The following BMP1 variants were observed in gnomAD, a reference collection of about 807,000 sequenced individuals.
BMP1 encodes the protein bone morphogenetic protein 1.
Under a neutral mutation model 116.8 loss-of-function variants are expected in BMP1, and 63 were observed. That is an observed-to-expected ratio of 0.54 (90% CI 0.44 to 0.67). The LOEUF (loss-of-function observed/expected upper bound fraction) is 0.67. BMP1 is among the 30% of genes least tolerant of loss of function. The probability of loss-of-function intolerance (pLI) is 0.00; values close to 1 mark genes in which losing one functional copy is unlikely to be tolerated. For synonymous variants in BMP1, 536 were observed against 533.4 expected, an observed-to-expected ratio of 1.00 and a Z score of -0.07; for missense variants, 1,183 against 1,358.9, an observed-to-expected ratio of 0.87 and a Z score of 2.04.
intron 4 of BMP1, 46 bp downstream of exon 4, chr8:22,176,696 CCCAGGTTCTG>C: frequency 1.3e-6 from 2 of 1,595,704 alleles, no homozygotes; most frequent in Non-Finnish European, 1.7e-6. Context: ...ATTGCCCCAA[CCCAGGTTCTG>C]CCCTGGGCCC....
chr8:22,177,739 G>T (rs993963489), intron 5 of BMP1, 113 bp from the exon 6 acceptor site: 2 of 871,722 alleles, frequency 2.3e-6, no homozygotes, highest in African/African-American at 3.3e-5. Context: ...TCAGGTAGGG[G>T]GACTCTCTCA....
In BMP1 at chr8:22,194,800, G is replaced by T; in HGVS notation, c.1520G>T (p.Gly507Val). ...CACAGTGAGAGCAGCACCCTCATCG[G>T]GCGCTACTGTGGCTATGAGAAGCCT... ...DGHSESSTLI[G>V]RYCGYEKPDD... The change falls in exon 12 of 20, where the codon GGG becomes GTG. Residue 507 changes from glycine to valine, a missense_variant. Coordinates refer to ENST00000306385, the MANE Select transcript of BMP1 (RefSeq NM_006129.5). This position sits in a 1 kb window ranked among gnomAD's most constrained non-coding sequence, Gnocchi z 4.5. 2 of 1,614,130 alleles carry T rather than the reference G, an allele frequency of 1.2e-6. No homozygotes were observed. Among genetic ancestry groups the T allele is most frequent in the Non-Finnish European group, 1.7e-6 (2 of 1,180,032 alleles).
chr8:22,176,255 A>T lies in BMP1; in HGVS notation c.375A>T (p.Arg125=). ...RSRSRRAATS[R]PERVWPDGVI... The stretch of plus-strand genomic sequence containing the variant: ...GTAGCCGGCGGGCGGCGACGTCCCG[A>T]CCAGAGCGTGTGTGGCCCGATGGGG... The change falls in exon 3 of 20, where the codon CGA becomes CGT. Residue 125 remains arginine, a synonymous_variant. Transcript: ENST00000306385. 6.2e-7 allele frequency: 1 copy of T among 1,613,668 alleles called. No homozygotes were observed. Among genetic ancestry groups the T allele is most frequent in the South Asian group, 1.1e-5 (1 of 90,978 alleles).
intron 15 of BMP1, chr8:22,199,435 A>G: frequency 9.1e-7 from 1 of 1,101,172 alleles, no homozygotes. Flanking sequence ...CCTCCACCCC[A>G]CCCCCCTGCA....
rs188289831 is a variant in BMP1 at position 22,198,969 on chromosome 8, G to A, written c.2107+1549G>A. 379 of 1,281,080 alleles carry A rather than the reference G, an allele frequency of 3.0e-4. No individual in the cohort carries two copies. In the African/African-American group the frequency reaches 4.4e-3, roughly 15 times the overall value. 79.4% of individuals were successfully genotyped at this position (1,281,080 alleles called of 1,614,324 possible). A position where few individuals can be genotyped will look rare whatever the true frequency, so the allele number is the denominator to read the frequency against. On this transcript the variant is annotated intron_variant, in intron 15 of 19. Transcript: ENST00000306385. ...ACCCACTCGGGGCAGGCTCTGCCCC[G>A]GGAAACCATTACCTGCTTACTCTCG...
chr8:22,191,826 G>T (rs1485069771), intron 8 of BMP1, among the ~76,000 whole-genome samples: 1 of 152,218 alleles, frequency 6.6e-6, no homozygotes, highest in Non-Finnish European at 1.5e-5. Context: ...TACCCAAAGT[G>T]ACGTCTCCTT....
At position 22,196,661 on chromosome 8, in the gene BMP1, ACCTT is replaced by A. The variant is rs1344856242; in HGVS notation, c.1766-14_1766-11del. The A allele has an allele frequency of 6.2e-7, 1 of 1,613,174 alleles. No individual in the cohort carries two copies. The highest frequency in any genetic ancestry group is 1.3e-5 in the African/African-American group (1 of 74,758). ...GCAGGGGCTCCCCGCAGACGATGCC[ACCTT>A]CCTTGTCCCCGCAGCTGCTTGTGGC... On this transcript the variant is annotated splice_polypyrimidine_tract_variant and intron_variant, in intron 13 of 19. Coordinates refer to ENST00000306385, the MANE Select transcript of BMP1 (RefSeq NM_006129.5).
At chr8:22,199,677 G>A (rs1410993125) in intron 15 of BMP1, among the ~76,000 whole-genome samples, 1 of 152,222 alleles carries the variant, frequency 6.6e-6, no homozygotes, top group East Asian at 1.9e-4. Flanking sequence ...TCCGTAAGCT[G>A]GGCCCCCCAA....
At chr8:22,174,636 T>C (rs1405648559) in intron 2 of BMP1, among the ~76,000 whole-genome samples, 2 of 139,964 alleles carry the variant, frequency 1.4e-5, no homozygotes, top group Admixed American at 1.4e-4. Context: ...TCTTTTTTTT[T>C]TTTTTTTTTT....
chr8:22,199,435 AC>A lies in BMP1; in HGVS notation c.2107+2021del, dbSNP rs770652691. ...GGCCCATGCCCACCTCCTCCACCCC[AC>A]CCCCCTGCAACCTGCTCCCCCCAGC... On this transcript the variant is annotated intron_variant, in intron 15 of 19. Transcript: ENST00000306385. 6 of 1,105,096 alleles carry A rather than the reference AC, an allele frequency of 5.4e-6. No individual in the cohort carries two copies. The Admixed American group carries it at 1.4e-4, about 25-fold the overall frequency. 68.5% of individuals were successfully genotyped at this position (1,105,096 alleles called of 1,614,324 possible).
rs777069795 is a variant in BMP1 at position 22,195,463 on chromosome 8, G to A, written c.1641G>A (p.Glu547=). ...KAGFAVNFFK[E]VDECSRPNRG... ...GACACCCTTTCCTTCCCACCACAGA[G>A]GTGGACGAGTGCTCTCGGCCCAACC... Residue 547 remains glutamate (E), a splice_region_variant and synonymous_variant, in exon 13 of 20, where the codon GAG becomes GAA. Transcript: ENST00000306385. 2 of 1,605,008 alleles carry A rather than the reference G, an allele frequency of 1.2e-6. No homozygotes were observed. The highest frequency in any genetic ancestry group is 1.7e-6 in the Non-Finnish European group (2 of 1,177,588).
chr8:22,209,207 C>T (rs1829416969), intron 18 of BMP1, among the ~76,000 whole-genome samples: 2 of 152,226 alleles, frequency 1.3e-5, no homozygotes, highest in South Asian at 4.1e-4. Flanking sequence ...CCGCTCCATG[C>T]TGTCTTCCTC....
Position 22,206,829 on chromosome 8 carries a change from C to A in BMP1, c.2234-25C>A, listed in dbSNP as rs1307009532. 1.9e-6 allele frequency: 3 copies of A among 1,613,958 alleles called. No individual in the cohort carries two copies. The African/African-American group carries it at 4.0e-5, about 22-fold the overall frequency. On this transcript the variant is annotated intron_variant, in intron 16 of 19. Coordinates refer to ENST00000306385, the MANE Select transcript of BMP1 (RefSeq NM_006129.5). ...CGGAGCTTGGGGTCCCTCTCTATCC[C>A]CTTCCGTCACTCGCTTCCCTGCAGC...
intron 1 of BMP1, among the ~76,000 whole-genome samples, chr8:22,165,882 CGTGTGTGT>C (rs149003237): frequency 1.1e-3 from 149 of 131,414 alleles, no homozygotes; most frequent in African/African-American, 2.0e-3. Flanking sequence ...CCTGTGCGTG[CGTGTGTGT>C]GTGTGTGTGT....
chr8:22,201,960 T>C, intron 16 of BMP1, 32 bp downstream of exon 16: 1 of 1,591,290 alleles, frequency 6.3e-7, no homozygotes. Flanking sequence ...CATCTGGGCT[T>C]GAAGGACCTG....
At chr8:22,172,104 G>T (rs1828295132) in intron 1 of BMP1, among the ~76,000 whole-genome samples, 2 of 152,200 alleles carry the variant, frequency 1.3e-5, no homozygotes, top group South Asian at 4.1e-4. Context: ...CTGGGGAGGA[G>T]AAACCTGTGT....
chr8:22,200,396 C>T (rs1829224093), intron 15 of BMP1, among the ~76,000 whole-genome samples: 1 of 152,176 alleles, frequency 6.6e-6, no homozygotes, highest in Admixed American at 6.5e-5. Context: ...CTGGGTGTGT[C>T]TGTGCCTGTG....
chr8:22,179,672 A>G lies in BMP1; in HGVS notation c.837-33A>G. 1 of 1,612,500 alleles carries G rather than the reference A, an allele frequency of 6.2e-7. No homozygotes were observed. Among genetic ancestry groups the G allele is most frequent in the Non-Finnish European group, 8.5e-7 (1 of 1,179,160 alleles). ...CCACTCCCTGCCCACTGTCCATGAG[A>G]CGCTCACCCTTACTTTTCTCCCTCT... On this transcript the variant is annotated intron_variant, in intron 6 of 19. Coordinates refer to ENST00000306385, the MANE Select transcript of BMP1 (RefSeq NM_006129.5). This position sits in a 1 kb window ranked among gnomAD's most constrained non-coding sequence, Gnocchi z 4.6.
At position 22,196,768 on chromosome 8, in the gene BMP1, C is replaced by T; in HGVS notation, c.1854C>T (p.Ile618=). The stretch of plus-strand genomic sequence containing the variant: ...AGTACCCCCCCAACAAGAACTGCAT[C>T]TGGCAGCTGGTGGCCCCCACCCAGT... ...PKEYPPNKNC[I]WQLVAPTQYR... is the part of the protein sequence containing the mutation. Residue 618 remains isoleucine, a synonymous_variant, in exon 14 of 20, where the codon ATC becomes ATT. Coordinates refer to ENST00000306385, the MANE Select transcript of BMP1 (RefSeq NM_006129.5). The T allele has an allele frequency of 6.2e-7, 1 of 1,614,142 alleles. No individual in the cohort carries two copies. The highest frequency in any genetic ancestry group is 8.5e-7 in the Non-Finnish European group (1 of 1,180,032).
Sources: allele counts gnomAD v4.1 joint callset (sites outside exome capture counted in the v4.1 genomes callset), GRCh38; gene constraint gnomAD v4.1.1; non-coding constraint Gnocchi (gnomAD v3.1); transcripts MANE v1.5; gene names NCBI Gene and HGNC (gene_info 2026-07-23, HGNC 2026-07-21).